The following ADCY7 variants were observed in gnomAD, a reference collection of about 807,000 sequenced individuals.
The protein encoded by ADCY7 is adenylate cyclase type 7.
A neutral mutation model predicts 120.6 loss-of-function variants in ADCY7; 72 were observed. The ratio of observed to expected loss-of-function variants is 0.60; its 90% confidence interval spans 0.49 to 0.73. ADCY7 has a LOEUF of 0.73. ADCY7 is among the 30% of genes least tolerant of loss of function. ADCY7 has a pLI of 0.00. For missense variants in ADCY7, 1,227 were observed against 1,486.0 expected, an observed-to-expected ratio of 0.83 and a Z score of 2.87; for synonymous variants, 661 against 628.0, an observed-to-expected ratio of 1.05 and a Z score of -0.78.
intron 8 of ADCY7, among the ~76,000 whole-genome samples, chr16:50,299,795 T>C (rs542992833): frequency 6.6e-6 from 1 of 152,326 alleles, no homozygotes; most frequent in Admixed American, 6.5e-5. Context: ...CACCTCTGGT[T>C]CCGACCCTGG....
In ADCY7 at chr16:50,292,835, G is replaced by A. The variant is rs181513285; in HGVS notation, c.687+10G>A. 106 of 1,612,074 alleles carry A rather than the reference G, an allele frequency of 6.6e-5. 1 individual carries two copies. In the African/African-American group the frequency reaches 1.1e-3, roughly 17 times the overall value. On this transcript the variant is annotated intron_variant, in intron 5 of 25. Coordinates refer to ENST00000673801, the MANE Select transcript of ADCY7 (RefSeq NM_001114.5). ...CGAGAAGCGCCAGCAGGTGGGACCC[G>A]GCCCCCACTCCTCACCCTGTACACC...
At chr16:50,271,080 C>T (rs1430687714) in intron 1 of ADCY7, among the ~76,000 whole-genome samples, 3 of 152,222 alleles carry the variant, frequency 2.0e-5, no homozygotes, top group African/African-American at 7.2e-5. Flanking sequence ...GCCGAAGCAC[C>T]CTCCGTTCCC....
At chr16:50,254,109 C>T (rs558780460) in intron 1 of ADCY7, among the ~76,000 whole-genome samples, 11 of 152,282 alleles carry the variant, frequency 7.2e-5, no homozygotes, top group Admixed American at 2.6e-4. Flanking sequence ...GGGCTAAAAA[C>T]GACCCCTTCG....
At chr16:50,256,228 C>G (rs150313280) in intron 1 of ADCY7, among the ~76,000 whole-genome samples, 2,192 of 152,142 alleles carry the variant, frequency 0.014, 55 homozygotes, top group African/African-American at 0.05. Context: ...ATAACAGCAA[C>G]AACAACAACA....
At chr16:50,289,289 G>A in intron 2 of ADCY7, 3 of 430,882 alleles carry the variant, frequency 7.0e-6, no homozygotes, top group East Asian at 8.0e-5. Context: ...TCCTGCCTTG[G>A]CCTCCCAAAG....
intron 6 of ADCY7, among the ~76,000 whole-genome samples, chr16:50,293,859 G>A (rs958553104): frequency 6.6e-6 from 1 of 152,202 alleles, no homozygotes; most frequent in Admixed American, 6.5e-5. Flanking sequence ...AAGCCCCCCG[G>A]CCTTGGTGCC....
In ADCY7 at chr16:50,288,174, T is replaced by G; in HGVS notation, c.-6T>G. The G allele has an allele frequency of 6.5e-7, 1 of 1,543,924 alleles. No homozygotes were observed. The highest frequency in any genetic ancestry group is 8.8e-7 in the Non-Finnish European group (1 of 1,142,696). On this transcript the variant is annotated 5_prime_UTR_variant, in exon 2 of 26. Coordinates refer to ENST00000673801, the MANE Select transcript of ADCY7 (RefSeq NM_001114.5). ...CCCTTAACGACACGCGTGCCAAGGG[T>G]GGAGGATGCCAGCCAAGGGGCGCTA...
chr16:50,288,466 GTTTGT>G (rs1261755130), intron 2 of ADCY7, 116 bp downstream of exon 2: 2 of 1,187,040 alleles, frequency 1.7e-6, no homozygotes, highest in Non-Finnish European at 2.3e-6. Flanking sequence ...ATGCTTTTTT[GTTTGT>G]TTTGTTTTGT....
At chr16:50,290,053 C>T (rs2034840161) in intron 2 of ADCY7, among the ~76,000 whole-genome samples, 1 of 152,262 alleles carries the variant, frequency 6.6e-6, no homozygotes, top group Non-Finnish European at 1.5e-5. Flanking sequence ...TCACCAGCCT[C>T]TGCTCACTCA....
rs143795393 is a variant in ADCY7, at chr16:50,279,976, G to A, written c.-268-7936G>A. Among the ~76,000 whole-genome samples, 55 of 152,280 alleles carry A rather than the reference G, an allele frequency of 3.6e-4. No homozygotes were observed. The East Asian group carries it at 9.1e-3, about 25-fold the overall frequency. On this transcript the variant is annotated intron_variant, in intron 1 of 25. Transcript: ENST00000673801. The stretch of plus-strand genomic sequence containing the variant: ...GCCTCATAGAATGAGTTAGGGAGGA[G>A]TCCCTCTTCCTCAATTTTTTTGAAT...
chr16:50,277,191 T>C (rs2033950099), intron 1 of ADCY7, among the ~76,000 whole-genome samples: 1 of 152,232 alleles, frequency 6.6e-6, no homozygotes, highest in Non-Finnish European at 1.5e-5. Context: ...TATCATAATT[T>C]ATTTCACCAG....
intron 1 of ADCY7, among the ~76,000 whole-genome samples, chr16:50,247,666 C>A (rs1333029467): frequency 6.6e-6 from 1 of 151,394 alleles, no homozygotes; most frequent in Non-Finnish European, 1.5e-5. Context: ...AGGTGTGAGC[C>A]ACTGTGCCCA....
chr16:50,314,464 G>C (rs2036679231), intron 24 of ADCY7, 58 bp downstream of exon 24: 1 of 1,329,980 alleles, frequency 7.5e-7, no homozygotes, highest in Admixed American at 1.7e-5. Context: ...AGTCCACCCA[G>C]TCTGTGTGGC....
At chr16:50,306,443 C>T (rs1021847204) in intron 14 of ADCY7, among the ~76,000 whole-genome samples, 14 of 152,118 alleles carry the variant, frequency 9.2e-5, no homozygotes, top group South Asian at 6.2e-4. Flanking sequence ...GGTGAGGTCA[C>T]GAGGAAACCT....
intron 1 of ADCY7, among the ~76,000 whole-genome samples, chr16:50,285,053 A>T (rs999457764): frequency 6.6e-6 from 1 of 152,254 alleles, no homozygotes; most frequent in Non-Finnish European, 1.5e-5. Context: ...CACACAGTAA[A>T]TGCCTCTTGT....
intron 14 of ADCY7, 76 bp from the exon 15 acceptor site, chr16:50,306,974 A>T: frequency 9.5e-6 from 11 of 1,158,832 alleles, no homozygotes; most frequent in Non-Finnish European, 1.2e-5. Flanking sequence ...TGTTTTTTTT[A>T]AAGCTGATTC....
Position 50,293,629 on chromosome 16 carries a change from C to T in ADCY7, c.836+127C>T. ...GCCCATATAGGGATTGGGAGAGGGC[C>T]CCATGGTTCCAGGTCAATCTGGGGC... is the stretch of plus-strand genomic sequence containing the variant. On this transcript the variant is annotated intron_variant, in intron 6 of 25. Transcript: ENST00000673801. 7 of 1,225,278 alleles carry T rather than the reference C, an allele frequency of 5.7e-6. No individual in the cohort carries two copies. The South Asian group carries it at 5.9e-5, about 10-fold the overall frequency. The allele number at this position is 1,225,278 out of a possible 1,614,324, so 75.9% of individuals were successfully genotyped here.
intron 1 of ADCY7, among the ~76,000 whole-genome samples, chr16:50,254,048 C>G (rs984041659): frequency 6.6e-6 from 1 of 151,886 alleles, no homozygotes; most frequent in Admixed American, 6.6e-5. Flanking sequence ...CCTGAGACCT[C>G]GGGGGAGTTA....
rs143102567 is a variant in ADCY7 at position 50,288,002 on chromosome 16, C to A, written c.-178C>A. 3.1e-6 allele frequency: 2 copies of A among 651,514 alleles called. No individual in the cohort carries two copies. The highest frequency in any genetic ancestry group is 6.0e-5 in the East Asian group (2 of 33,394). 40.4% of individuals were successfully genotyped at this position (651,514 alleles called of 1,614,324 possible). A position where few individuals can be genotyped will look rare whatever the true frequency, so the allele number is the denominator to read the frequency against. ...AGTGAGGCCTGGTGCCAGAGCTGTG[C>A]GGACCCCTTGTTGGCCATGGAGCAG... is the stretch of plus-strand genomic sequence containing the variant. On this transcript the variant is annotated 5_prime_UTR_variant, in exon 2 of 26. Coordinates refer to ENST00000673801, the MANE Select transcript of ADCY7 (RefSeq NM_001114.5).
Sources: allele counts gnomAD v4.1 joint callset (sites outside exome capture counted in the v4.1 genomes callset), GRCh38; gene constraint gnomAD v4.1.1; transcripts MANE v1.5; gene names NCBI Gene and HGNC (gene_info 2026-07-23, HGNC 2026-07-21).